WDR5: variants seen among roughly 807,000 people sequenced by gnomAD.
WDR5 encodes the protein WD repeat domain 5, also known as WD repeat-containing protein 5.
For synonymous variants in WDR5, 144 were observed against 161.6 expected (o/e 0.89, Z 0.83); for missense variants, 187 against 416.9 (o/e 0.45, Z 4.80).
At position 134,139,724 on chromosome 9, in the gene WDR5, T is replaced by G. The variant is rs555086478; in HGVS notation, c.-58-96T>G. 187 of 744,240 alleles carry G rather than the reference T, an allele frequency of 2.5e-4. 1 individual carries two copies. In the African/African-American group the frequency reaches 3.2e-3, roughly 13 times the overall value. 46.1% of individuals were successfully genotyped at this position (744,240 alleles called of 1,614,324 possible). Reference sequence around the variant, plus strand: ...TTGTTTGCTACAGGGCTCAATATGGTAGTCAAATGTTTTTCTTTTCATCCT... The same window carrying G: ...TTGTTTGCTACAGGGCTCAATATGGGAGTCAAATGTTTTTCTTTTCATCCT... On this transcript the variant is annotated intron_variant, in intron 1 of 13. Coordinates refer to ENST00000358625, the MANE Select transcript of WDR5 (RefSeq NM_017588.3).
intron 9 of WDR5, 22 bp downstream of exon 9, chr9:134,152,051 G>C: frequency 6.2e-7 from 1 of 1,612,532 alleles, no homozygotes; most frequent in Non-Finnish European, 8.5e-7. Context: ...TCTGTGTGGG[G>C]GCTGGGTCTG....
intron 9 of WDR5, 39 bp from the exon 10 acceptor site, chr9:134,154,427 C>A: frequency 6.2e-7 from 1 of 1,609,480 alleles, no homozygotes; most frequent in Non-Finnish European, 8.5e-7. Context: ...GCCTGGCTGT[C>A]AGCGCCCGCC....
intron 1 of WDR5, 129 bp downstream of exon 1, chr9:134,136,329 C>A (rs1207145300): frequency 6.7e-6 from 1 of 150,104 alleles, no homozygotes; most frequent in Non-Finnish European, 1.5e-5. Context: ...GCCCCGGGCG[C>A]TGCTCCCGCT....
In WDR5 at chr9:134,154,814, G is replaced by C. The variant is rs367908939; in HGVS notation, c.707+273G>C. On this transcript the variant is annotated intron_variant, in intron 10 of 13. Transcript: ENST00000358625. Reference sequence around the variant, plus strand: ...TGGCCAGGGCAGGCCTAGCCATCCCGCATGAAGGAGTCGGCGGTCCGGGGG... The same window carrying C: ...TGGCCAGGGCAGGCCTAGCCATCCCCCATGAAGGAGTCGGCGGTCCGGGGG... Among the ~76,000 whole-genome samples the C allele has an allele frequency of 2.8e-3, 429 of 152,334 alleles. 2 individuals are homozygous for C. The highest frequency in any genetic ancestry group is 9.6e-3 in the African/African-American group (399 of 41,586).
rs35209649 is a variant in WDR5, at chr9:134,158,014, G to A, written c.*21G>A. ...GCTAAGTCCCTTTGCTCCTGCCCGC[G>A]AGAGACTGTCGGGAAGTTGACCCGG... On this transcript the variant is annotated 3_prime_UTR_variant, in exon 14 of 14. Transcript: ENST00000358625. 0.011 allele frequency: 18,346 copies of A among 1,609,750 alleles called. 186 individuals carry two copies. The highest frequency in any genetic ancestry group is 0.028 in the Middle Eastern group (168 of 6,054).
intron 1 of WDR5, among the ~76,000 whole-genome samples, chr9:134,137,126 A>G (rs28623667): frequency 0.23 from 34,396 of 152,032 alleles, 4,034 homozygotes; most frequent in African/African-American, 0.29. Flanking sequence ...GCTCCACCTC[A>G]GGGACTGAGG....
In WDR5 at chr9:134,144,933, TG is replaced by T. The variant is rs542980819; in HGVS notation, c.528+2215del. Reference sequence around the variant, plus strand: ...TGCCAGGAGGTGGAGTCGGTCCCTCTGTGGTCTTCTACTTTGCTTTTTTAGG... The same window carrying T: ...TGCCAGGAGGTGGAGTCGGTCCCTCTTGGTCTTCTACTTTGCTTTTTTAGG... On this transcript the variant is annotated intron_variant, in intron 7 of 13. Transcript: ENST00000358625. Among the ~76,000 whole-genome samples, 142 of 152,184 alleles carry T rather than the reference TG, an allele frequency of 9.3e-4. 1 individual carries two copies. The highest frequency in any genetic ancestry group is 3.2e-3 in the African/African-American group (134 of 41,524).
intron 3 of WDR5, among the ~76,000 whole-genome samples, chr9:134,141,173 C>T (rs181938068): frequency 3.9e-5 from 6 of 152,306 alleles, no homozygotes; most frequent in Non-Finnish European, 8.8e-5. Flanking sequence ...GTAGTCCCAG[C>T]TACTCAGGAG....
At chr9:134,139,134 T>TTTCCAGAAGGCAGGATGTGGAAA (rs1318618537) in intron 1 of WDR5, among the ~76,000 whole-genome samples, 49 of 152,312 alleles carry the variant, frequency 3.2e-4, no homozygotes, top group Admixed American at 1.1e-3. Context: ...TGAGGCTGCT[T>TTTCCAGAAGGCAGGATGTGGAAA]TTCCAGAAGG....
chr9:134,155,635 T>A (rs1832712281), intron 11 of WDR5, 58 bp from the exon 12 acceptor site: 2 of 1,567,660 alleles, frequency 1.3e-6, no homozygotes, highest in African/African-American at 2.7e-5. Context: ...GAACGTAGAA[T>A]TACACAAAAT....
rs765305718 is a variant in WDR5 at position 134,148,955 on chromosome 9, G to C, written c.584+612G>C. On this transcript the variant is annotated intron_variant, in intron 8 of 13. Coordinates refer to ENST00000358625, the MANE Select transcript of WDR5 (RefSeq NM_017588.3). Reference sequence around the variant, plus strand: ...TCTGATGGGAGCGAGTTGGGGGAGTGGAGTGTTTGGGTTGTGTTTTGGATG... The same window carrying C: ...TCTGATGGGAGCGAGTTGGGGGAGTCGAGTGTTTGGGTTGTGTTTTGGATG... Among the ~76,000 whole-genome samples, 7 of 152,210 alleles carry C rather than the reference G, an allele frequency of 4.6e-5. No individual in the cohort carries two copies. In the South Asian group the frequency reaches 1.0e-3, roughly 23 times the overall value.
At chr9:134,145,752 A>AC (rs1832160160) in intron 7 of WDR5, among the ~76,000 whole-genome samples, 1 of 151,532 alleles carries the variant, frequency 6.6e-6, no homozygotes, top group Non-Finnish European at 1.5e-5. Context: ...GCCGCTGCCG[A>AC]CCCCCATCAT....
At chr9:134,139,287 G>A (rs1831749115) in intron 1 of WDR5, among the ~76,000 whole-genome samples, 1 of 152,216 alleles carries the variant, frequency 6.6e-6, no homozygotes, top group Admixed American at 6.5e-5. Context: ...GTGCATGGAG[G>A]CACTGGAGCC....
intron 7 of WDR5, among the ~76,000 whole-genome samples, chr9:134,145,666 C>G (rs1832154211): frequency 6.6e-6 from 1 of 152,212 alleles, no homozygotes; most frequent in Non-Finnish European, 1.5e-5. Flanking sequence ...CATGTGGCCC[C>G]CTGCTCACTG....
rs1395807472 is a variant in WDR5 at position 134,139,908 on chromosome 9, G to A, written c.31G>A (p.Glu11Lys). 1 of 1,613,490 alleles carries A rather than the reference G, an allele frequency of 6.2e-7. No homozygotes were observed. Among genetic ancestry groups the A allele is most frequent in the Non-Finnish European group, 8.5e-7 (1 of 1,180,012 alleles). The part of the protein sequence containing the change: MATEEKKPET[E>K]AARAQPTPSS... ...GACGGAGGAGAAGAAGCCCGAGACCGAGGCCGCCAGAGCACAGCCAACCCC... is the reference window on the plus strand; with the variant it reads ...GACGGAGGAGAAGAAGCCCGAGACCAAGGCCGCCAGAGCACAGCCAACCCC... The change falls in exon 2 of 14, where the codon GAG becomes AAG. Residue 11 changes from glutamate (E) to lysine (K), a missense_variant. Coordinates refer to ENST00000358625, the MANE Select transcript of WDR5 (RefSeq NM_017588.3).
intron 5 of WDR5, 147 bp downstream of exon 5, chr9:134,142,185 T>TG: frequency 6.1e-6 from 1 of 163,440 alleles, no homozygotes. Flanking sequence ...CGGGGGTGGG[T>TG]GGGGGAGGCC....
At chr9:134,150,655 C>T (rs1055855253) in intron 8 of WDR5, among the ~76,000 whole-genome samples, 1 of 152,192 alleles carries the variant, frequency 6.6e-6, no homozygotes, top group African/African-American at 2.4e-5. Context: ...AAGCCACCAA[C>T]ACTGCTTTTC....
chr9:134,140,967 T>C (rs28759300), intron 3 of WDR5, among the ~76,000 whole-genome samples, 156 bp downstream of exon 3: 8,976 of 152,228 alleles, frequency 0.059, 476 homozygotes, highest in African/African-American at 0.14. Flanking sequence ...CTCCTGGAAC[T>C]GTGAGCTCAG....
intron 1 of WDR5, among the ~76,000 whole-genome samples, chr9:134,136,907 C>T (rs1170073455): frequency 2.0e-5 from 3 of 152,192 alleles, no homozygotes; most frequent in Non-Finnish European, 4.4e-5. Flanking sequence ...CTAGTTTAAT[C>T]TGTGACCTGG....
Sources: gnomAD v4.1 joint callset for allele counts (sites outside exome capture counted in the v4.1 genomes callset) on GRCh38, gnomAD v4.1.1 for gene constraint, MANE v1.5 for transcripts, NCBI Gene and HGNC (gene_info 2026-07-23, HGNC 2026-07-21) for gene names.